VPS13B: variants seen among roughly 807,000 people sequenced by gnomAD.
The protein encoded by VPS13B is vacuolar protein sorting 13 homolog B, also known as intermembrane lipid transfer protein VPS13B.
A neutral mutation model predicts 426.4 loss-of-function variants in VPS13B; 285 were observed. That is an observed-to-expected ratio of 0.67 (90% CI 0.61 to 0.74). VPS13B has a LOEUF of 0.74. Ranked by LOEUF, VPS13B falls within the 30% of genes least tolerant of loss-of-function variation. The pLI, the probability that VPS13B is intolerant of heterozygous loss-of-function variation, is 0.00. For missense variants in VPS13B, 4,537 were observed against 4,782.6 expected (o/e 0.95, Z 1.51); for synonymous variants, 1,676 against 1,676.4 (o/e 1.00, Z 0.01).
At chr8:99,401,677 C>G (rs192633222) in intron 21 of VPS13B, among the ~76,000 whole-genome samples, 3,227 of 152,262 alleles carry the variant, frequency 0.021, 51 homozygotes, top group Middle Eastern at 0.071. Flanking sequence ...ACCAGCCTGG[C>G]CAACATGGTG....
At chr8:99,370,484 G>A (rs951878787) in intron 19 of VPS13B, among the ~76,000 whole-genome samples, 2 of 152,042 alleles carry the variant, frequency 1.3e-5, no homozygotes, top group African/African-American at 2.4e-5. Context: ...TGTAGGCTAT[G>A]GTGAGAAGTT....
chr8:99,500,213 A>G (rs2133605927), intron 25 of VPS13B, among the ~76,000 whole-genome samples: 1 of 152,280 alleles, frequency 6.6e-6, no homozygotes, highest in African/African-American at 2.4e-5. Flanking sequence ...CTGACAGTTA[A>G]CTACTGGTTA....
chr8:99,048,814 C>CA (rs60561427), intron 3 of VPS13B, among the ~76,000 whole-genome samples: 102,920 of 146,334 alleles, frequency 0.7, 35,870 homozygotes, highest in South Asian at 0.84. Context: ...AACTCTGTCT[C>CA]AAAAAAAAAA....
At chr8:99,316,807 G>A (rs773244555) in intron 19 of VPS13B, among the ~76,000 whole-genome samples, 1 of 152,152 alleles carries the variant, frequency 6.6e-6, no homozygotes, top group Non-Finnish European at 1.5e-5. Flanking sequence ...CCTCTAGTCA[G>A]CCATTGTGAA....
chr8:99,018,230 A>T (rs1365200649), intron 2 of VPS13B, among the ~76,000 whole-genome samples: 1 of 152,108 alleles, frequency 6.6e-6, no homozygotes, highest in Non-Finnish European at 1.5e-5. Flanking sequence ...TACTAAAAAT[A>T]CAAAAATTAG....
intron 35 of VPS13B, among the ~76,000 whole-genome samples, chr8:99,668,772 T>A (rs1312411948): frequency 6.6e-6 from 1 of 152,172 alleles, no homozygotes. Flanking sequence ...CAGCAGGTGA[T>A]AGATTAGTTG....
intron 3 of VPS13B, among the ~76,000 whole-genome samples, chr8:99,045,945 A>G (rs1211168748): frequency 1.3e-5 from 2 of 152,164 alleles, no homozygotes; most frequent in Admixed American, 6.5e-5. Context: ...TTTGGTGACT[A>G]TGGCCTTATC....
intron 33 of VPS13B, among the ~76,000 whole-genome samples, chr8:99,599,151 A>T (rs932355287): frequency 2.6e-5 from 4 of 152,012 alleles, no homozygotes; most frequent in Non-Finnish European, 5.9e-5. Context: ...TATTGTACTC[A>T]AGCTGGTAAG....
chr8:99,766,290 G>C (rs952501356), intron 39 of VPS13B, among the ~76,000 whole-genome samples: 3 of 151,750 alleles, frequency 2.0e-5, no homozygotes, highest in Non-Finnish European at 4.4e-5. Context: ...CACCACGTTG[G>C]CCAGGCTGGT....
intron 33 of VPS13B, among the ~76,000 whole-genome samples, chr8:99,620,180 TAA>T (rs1490827451): frequency 6.6e-6 from 1 of 151,980 alleles, no homozygotes; most frequent in Non-Finnish European, 1.5e-5. Context: ...TTGAAAAAAA[TAA>T]GTTTACAAGA....
rs1847452694 is a variant in VPS13B at position 99,113,027 on chromosome 8, CCCT to C, written c.762+1753_762+1755del. Among the ~76,000 whole-genome samples the C allele has an allele frequency of 2.7e-5, 4 of 150,108 alleles. No homozygotes were observed. The South Asian group carries it at 8.5e-4, about 32-fold the overall frequency. On this transcript the variant is annotated intron_variant, in intron 6 of 61. Transcript: ENST00000357162. ...TTCTTTTCTCTCTTTCTTTTTTCTCCCCTCCTCTCCCTCTCCCCACCCTTCCCC... is the reference window on the plus strand; with the variant it reads ...TTCTTTTCTCTCTTTCTTTTTTCTCCCCTCTCCCTCTCCCCACCCTTCCCC...
chr8:99,121,241 T>C lies in VPS13B; in HGVS notation c.1002T>C (p.Tyr334=). ...YPAQHKGQEL[Y]SQQDEEQPQG... The stretch of plus-strand genomic sequence containing the variant: ...CTCAGCATAAAGGTCAAGAGTTATA[T>C]TCACAGCAAGATGAGGAGCAGCCAC... The change falls in exon 8 of 62, where the codon TAT becomes TAC. Residue 334 remains tyrosine (Y), a synonymous_variant. Transcript: ENST00000357162. 1.2e-6 allele frequency: 2 copies of C among 1,614,144 alleles called. No homozygotes were observed. The highest frequency in any genetic ancestry group is 1.7e-6 in the Non-Finnish European group (2 of 1,180,006).
chr8:99,753,184 A>G lies in VPS13B; in HGVS notation c.7051-13590A>G, dbSNP rs183554595. On this transcript the variant is annotated intron_variant, in intron 39 of 61. Coordinates refer to ENST00000357162, the MANE Select transcript of VPS13B (RefSeq NM_152564.5). ...AAAATATTAGTTCTTTTCCTAAAAT[A>G]TAAACTTAAAAAAGTAAATCTTATG... is the stretch of plus-strand genomic sequence containing the variant. Among the ~76,000 whole-genome samples, 484 of 152,346 alleles carry G rather than the reference A, an allele frequency of 3.2e-3. 3 individuals carry two copies. The highest frequency in any genetic ancestry group is 5.4e-3 in the Non-Finnish European group (369 of 68,036).
chr8:99,776,645 A>G (rs1588702481), intron 40 of VPS13B, 130 bp from the exon 41 acceptor site: 2 of 895,432 alleles, frequency 2.2e-6, no homozygotes, highest in East Asian at 5.2e-5. Flanking sequence ...GAAAATACAG[A>G]AGATTTGATA....
intron 17 of VPS13B, among the ~76,000 whole-genome samples, chr8:99,264,167 A>G (rs1469639435): frequency 1.3e-5 from 2 of 149,532 alleles, no homozygotes; most frequent in Non-Finnish European, 3.0e-5. Flanking sequence ...TCTTCTCTCA[A>G]TTCCTTCAGG....
intron 36 of VPS13B, among the ~76,000 whole-genome samples, chr8:99,713,966 C>T (rs1832807211): frequency 6.6e-6 from 1 of 151,918 alleles, no homozygotes; most frequent in Admixed American, 6.6e-5. Context: ...ATGGTGAAAC[C>T]CCATCTCTAC....
At position 99,681,234 on chromosome 8, in the gene VPS13B, T is replaced by G. The variant is rs1420666332; in HGVS notation, c.6047-18291T>G. ...CTGGTGCGTGCCTCCTGTCTTTTGG[T>G]GGACCTGGTACTTTTGAAAGGAATA... On this transcript the variant is annotated intron_variant, in intron 35 of 61. Coordinates refer to ENST00000357162, the MANE Select transcript of VPS13B (RefSeq NM_152564.5). 2.0e-5 allele frequency among the ~76,000 whole-genome samples: 3 copies of G among 152,224 alleles called. No individual in the cohort carries two copies. In the East Asian group the frequency reaches 5.8e-4, roughly 29 times the overall value.
chr8:99,486,914 G>A (rs927356648), intron 25 of VPS13B, among the ~76,000 whole-genome samples: 3 of 152,134 alleles, frequency 2.0e-5, no homozygotes, highest in Admixed American at 6.5e-5. Flanking sequence ...TGAGAATTTA[G>A]TAAAAGGTCA....
At chr8:99,127,720 A>C in intron 8 of VPS13B, among the ~76,000 whole-genome samples, 1 of 152,330 alleles carries the variant, frequency 6.6e-6, no homozygotes, top group South Asian at 2.1e-4. Context: ...ATCTACTCAT[A>C]TTTATTGTAT....
Sources: gnomAD v4.1 joint callset for allele counts (sites outside exome capture counted in the v4.1 genomes callset) on GRCh38, gnomAD v4.1.1 for gene constraint, MANE v1.5 for transcripts, NCBI Gene and HGNC (gene_info 2026-07-23, HGNC 2026-07-21) for gene names.